Variants in SEC31A observed in about 807,000 individuals in gnomAD.
SEC31A encodes the protein SEC31 homolog A, COPII component.
A neutral mutation model predicts 151.0 loss-of-function variants in SEC31A; 70 were observed. The observed-to-expected ratio is 0.46, with a 90% CI of 0.38 to 0.57. The LOEUF (loss-of-function observed/expected upper bound fraction) is 0.57, where lower values mean the gene tolerates loss of function less well. Among genes scored for constraint, SEC31A ranks in the 20% least tolerant of loss-of-function variants. The pLI is 0.00. For missense variants in SEC31A, 1,330 were observed against 1,471.2 expected, an observed-to-expected ratio of 0.90 and a Z score of 1.57; for synonymous variants, 475 against 505.9, an observed-to-expected ratio of 0.94 and a Z score of 0.82.
intron 1 of SEC31A, among the ~76,000 whole-genome samples, chr4:82,887,991 A>C (rs936197001): frequency 6.6e-6 from 1 of 151,516 alleles, no homozygotes; most frequent in African/African-American, 2.4e-5. Context: ...GCTTGCAGTA[A>C]GCTGAGATCA....
chr4:82,888,401 CACAG>C (rs201566974), intron 1 of SEC31A, among the ~76,000 whole-genome samples: 2 of 129,264 alleles, frequency 1.5e-5, no homozygotes, highest in Admixed American at 1.6e-4. Context: ...TATATATACA[CACAG>C]ACACGGCCAG....
At chr4:82,899,163 G>A (rs1188828140) in intron 3 of SEC31A, among the ~76,000 whole-genome samples, 1 of 152,186 alleles carries the variant, frequency 6.6e-6, no homozygotes, top group East Asian at 1.9e-4. Flanking sequence ...GCAGGCAGAG[G>A]CACACGGAAA....
chr4:82,888,498 T>C (rs1393093576), intron 1 of SEC31A, among the ~76,000 whole-genome samples: 2 of 134,822 alleles, frequency 1.5e-5, no homozygotes, highest in Non-Finnish European at 3.2e-5. Flanking sequence ...CAGATCATCC[T>C]GGCCAACCTG....
intron 19 of SEC31A, among the ~76,000 whole-genome samples, 169 bp downstream of exon 19, chr4:82,851,262 A>C (rs914578775): frequency 3.3e-5 from 5 of 152,208 alleles, no homozygotes; most frequent in Non-Finnish European, 5.9e-5. Context: ...GCTTAGATAC[A>C]CCTAAAATGA....
intron 24 of SEC31A, 51 bp from the exon 25 acceptor site, chr4:82,824,725 T>A (rs1724145673): frequency 2.5e-6 from 4 of 1,587,682 alleles, no homozygotes; most frequent in Non-Finnish European, 3.4e-6. Context: ...AGCTACCTTA[T>A]ATACACAATC....
At chr4:82,869,347 G>T (rs1415647420) in intron 8 of SEC31A, among the ~76,000 whole-genome samples, 2 of 150,754 alleles carry the variant, frequency 1.3e-5, no homozygotes. Flanking sequence ...AGCCAGGATG[G>T]TCTCGATCTC....
intron 22 of SEC31A, among the ~76,000 whole-genome samples, chr4:82,839,785 T>C (rs1200321422): frequency 6.6e-6 from 1 of 152,240 alleles, no homozygotes; most frequent in Non-Finnish European, 1.5e-5. Context: ...TGAAAAGTGT[T>C]GTCTGGCTTC....
At position 82,861,905 on chromosome 4, in the gene SEC31A, CTTTTTTT is replaced by C. The variant is rs33968103; in HGVS notation, c.1549-204_1549-198del. The C allele has an allele frequency of 9.9e-3, 888 of 89,672 alleles. 7 individuals are homozygous for C. The highest frequency in any genetic ancestry group is 0.038 in the African/African-American group (844 of 22,032). The allele number at this position is 89,672 out of a possible 1,614,324, so 5.6% of individuals were successfully genotyped here. On this transcript the variant is annotated intron_variant, in intron 13 of 26. Coordinates refer to ENST00000395310, the MANE Select transcript of SEC31A (RefSeq NM_001077207.4). The stretch of plus-strand genomic sequence containing the variant: ...CTATTACTGCTAACACTTTCCCATT[CTTTTTTT>C]TTTTTTTTTTTTTTTTTTTGAGACC...
chr4:82,840,116 ATAACTCC>A (rs1728400834), intron 22 of SEC31A, among the ~76,000 whole-genome samples: 1 of 152,216 alleles, frequency 6.6e-6, no homozygotes, highest in Non-Finnish European at 1.5e-5. Context: ...ATCCTGAAAC[ATAACTCC>A]TAAGAAACTC....
At chr4:82,832,064 C>A (rs1163232228) in intron 22 of SEC31A, among the ~76,000 whole-genome samples, 1 of 152,008 alleles carries the variant, frequency 6.6e-6, no homozygotes, top group Non-Finnish European at 1.5e-5. Context: ...CTACTTCAAA[C>A]TTCATATGGA....
intron 6 of SEC31A, among the ~76,000 whole-genome samples, chr4:82,872,490 T>C (rs1196320667): frequency 1.3e-5 from 2 of 151,990 alleles, no homozygotes; most frequent in Admixed American, 1.3e-4. Flanking sequence ...CGCCTGGCCT[T>C]AGTTTATTTT....
intron 14 of SEC31A, 55 bp downstream of exon 14, chr4:82,861,576 G>T: frequency 1.7e-6 from 2 of 1,164,834 alleles, no homozygotes; most frequent in South Asian, 1.4e-5. Context: ...ATTTTAATGT[G>T]AGATACACAA....
At position 82,879,290 on chromosome 4, in the gene SEC31A, G is replaced by C. The variant is rs189272125; in HGVS notation, c.204-362C>G. ...ATTGCCTCTGGTTCATTGTAAAATA[G>C]AGCTAATCAATCACTTCCCTCGAAA... On this transcript the variant is annotated intron_variant, in intron 3 of 26. Coordinates refer to ENST00000395310, the MANE Select transcript of SEC31A (RefSeq NM_001077207.4). Among the ~76,000 whole-genome samples the C allele has an allele frequency of 4.0e-5, 6 of 150,504 alleles. No homozygotes were observed. The Admixed American group carries it at 4.0e-4, about 10-fold the overall frequency.
Position 82,881,887 on chromosome 4 carries a change from G to C in SEC31A, c.50C>G (p.Ala17Gly). ...DRTAMQAWSP[A>G]QNHPIYLATG... The stretch of plus-strand genomic sequence containing the variant: ...TGCTAGGTAAATGGGGTGATTCTGG[G>C]CAGGGCTCCATGCCTGCATGGCTGT... Residue 17 changes from alanine (A) to glycine (G), a missense_variant, in exon 2 of 27, where the codon GCC becomes GGC. Coordinates refer to ENST00000395310, the MANE Select transcript of SEC31A (RefSeq NM_001077207.4). 1 of 1,614,070 alleles carries C rather than the reference G, an allele frequency of 6.2e-7. No homozygotes were observed. Among genetic ancestry groups the C allele is most frequent in the Admixed American group, 1.7e-5 (1 of 60,022 alleles).
intron 22 of SEC31A, among the ~76,000 whole-genome samples, chr4:82,835,535 G>A (rs1237674268): frequency 2.0e-5 from 3 of 152,162 alleles, no homozygotes; most frequent in Admixed American, 1.3e-4. Flanking sequence ...GGTGGCTTAC[G>A]CCTGTAATCC....
intron 17 of SEC31A, 151 bp from the exon 18 acceptor site, chr4:82,853,866 A>G (rs1405222453): frequency 7.6e-6 from 4 of 523,626 alleles, no homozygotes; most frequent in Non-Finnish European, 3.3e-6. Context: ...ATGCTCAGTA[A>G]ATATGCATTT....
chr4:82,848,831 T>C lies in SEC31A; in HGVS notation c.2475A>G (p.Arg825=). 6.8e-6 allele frequency: 11 copies of C among 1,613,862 alleles called. No individual in the cohort carries two copies. Among genetic ancestry groups the C allele is most frequent in the Non-Finnish European group, 9.3e-6 (11 of 1,179,922 alleles). The change falls in exon 20 of 27, where the codon AGA becomes AGG. Residue 825 remains arginine (R), a synonymous_variant. Transcript: ENST00000395310. The stretch of plus-strand genomic sequence containing the variant: ...GGGGATAATATTGTTGAGTTTGAAC[T>C]CTTGGCATCTGGTGGTGGCCAGCAA... ...GPVAGHHQMP[R]VQTQQYYPHG...
chr4:82,891,131 C>T lies in SEC31A; in HGVS notation c.-48G>A. 6.5e-7 allele frequency: 1 copy of T among 1,535,976 alleles called. No homozygotes were observed. On this transcript the variant is annotated 5_prime_UTR_variant, in exon 1 of 27. Coordinates refer to ENST00000395310, the MANE Select transcript of SEC31A (RefSeq NM_001077207.4). ...AGCCGGATCCTGCGTTAGTGCAGCG[C>T]TCGTCGGACTCTCCCAGCATTCGCC...
intron 25 of SEC31A, 135 bp downstream of exon 25, chr4:82,824,420 G>C: frequency 1.2e-6 from 1 of 849,740 alleles, no homozygotes. Flanking sequence ...GGCCAGGATG[G>C]TCTTGAACTC....
Sources: allele counts gnomAD v4.1 joint callset (sites outside exome capture counted in the v4.1 genomes callset), GRCh38; gene constraint gnomAD v4.1.1; transcripts MANE v1.5; gene names NCBI Gene and HGNC (gene_info 2026-07-23, HGNC 2026-07-21).